Variants in HDAC4 observed in about 807,000 individuals in gnomAD.
The protein encoded by HDAC4 is histone deacetylase A.
In HDAC4, 16 loss-of-function variants were observed where a neutral mutation model predicts 135.1. That is an observed-to-expected ratio of 0.12 (90% confidence interval 0.08 to 0.18). HDAC4 has a LOEUF of 0.18. Among genes scored for constraint, HDAC4 ranks in the 10% least tolerant of loss-of-function variants. The pLI is 1.00. For missense variants in HDAC4, 1,143 were observed against 1,511.8 expected, an observed-to-expected ratio of 0.76 and a Z score of 4.05; for synonymous variants, 685 against 653.4, an observed-to-expected ratio of 1.05 and a Z score of -0.74.
chr2:239,323,652 AAGTGCTT>A (rs2053383607), intron 2 of HDAC4, among the ~76,000 whole-genome samples: 1 of 152,052 alleles, frequency 6.6e-6, no homozygotes, highest in Non-Finnish European at 1.5e-5. Flanking sequence ...TGCGCCTGGA[AAGTGCTT>A]CTTCACGTGT....
At chr2:239,131,084 G>A (rs998233898) in intron 11 of HDAC4, among the ~76,000 whole-genome samples, 45 of 152,248 alleles carry the variant, frequency 3.0e-4, no homozygotes, top group African/African-American at 8.2e-4. Flanking sequence ...GACCACGTGC[G>A]GAGTGCCGCA....
At chr2:239,057,134 C>T (rs775193806) in intron 24 of HDAC4, among the ~76,000 whole-genome samples, 16 of 152,086 alleles carry the variant, frequency 1.1e-4, no homozygotes, top group Non-Finnish European at 1.6e-4. Context: ...CGACTCATAT[C>T]GAAGTAAGAT....
At chr2:239,102,106 G>C (rs1371827304) in intron 16 of HDAC4, among the ~76,000 whole-genome samples, 1 of 150,148 alleles carries the variant, frequency 6.7e-6, no homozygotes, top group African/African-American at 2.5e-5. Flanking sequence ...CGGGGTCCAC[G>C]TTCTGTGCCC....
At position 239,331,726 on chromosome 2, in the gene HDAC4, C is replaced by G. The variant is rs1056342513; in HGVS notation, c.22+20952G>C. On this transcript the variant is annotated intron_variant, in intron 2 of 26. Coordinates refer to ENST00000543185, the MANE Select transcript of HDAC4 (RefSeq NM_001378414.1). This position sits in a 1 kb window ranked among gnomAD's most constrained non-coding sequence, Gnocchi z 4.5. The stretch of plus-strand genomic sequence containing the variant: ...CATACTAACCCTCCAGCCAGGAACA[C>G]AGAGGACAGGATGCAATCTAAAACA... Among the ~76,000 whole-genome samples, 4 of 152,148 alleles carry G rather than the reference C, an allele frequency of 2.6e-5. No individual in the cohort carries two copies. Among genetic ancestry groups the G allele is most frequent in the African/African-American group, 9.7e-5 (4 of 41,434 alleles).
At chr2:239,286,963 C>A (rs751830197) in intron 2 of HDAC4, among the ~76,000 whole-genome samples, 1 of 152,082 alleles carries the variant, frequency 6.6e-6, no homozygotes, top group Non-Finnish European at 1.5e-5. Flanking sequence ...GGTATGTGTT[C>A]ATAAAGAAAA....
chr2:239,331,557 T>C lies in HDAC4; in HGVS notation c.22+21121A>G, dbSNP rs1003007124. The stretch of plus-strand genomic sequence containing the variant: ...GGACTCGTGAACTAAGCCGCCCAGA[T>C]AGTGAGTTCTACGGGGGAAGCCTTC... On this transcript the variant is annotated intron_variant, in intron 2 of 26. Coordinates refer to ENST00000543185, the MANE Select transcript of HDAC4 (RefSeq NM_001378414.1). The surrounding 1 kb of genome is among the most constrained non-coding windows in gnomAD (Gnocchi z 4.5). Among the ~76,000 whole-genome samples, 6 of 152,202 alleles carry C rather than the reference T, an allele frequency of 3.9e-5. No homozygotes were observed. Among genetic ancestry groups the C allele is most frequent in the Admixed American group, 2.0e-4 (3 of 15,292 alleles).
intron 1 of HDAC4, among the ~76,000 whole-genome samples, chr2:239,389,949 C>T (rs1296301803): frequency 1.3e-5 from 2 of 152,190 alleles, no homozygotes; most frequent in Non-Finnish European, 2.9e-5. Context: ...GAATCCAAGA[C>T]TTGCTAAGAC....
intron 11 of HDAC4, among the ~76,000 whole-genome samples, chr2:239,133,590 C>T (rs1284237888): frequency 2.0e-5 from 3 of 152,186 alleles, no homozygotes; most frequent in Admixed American, 2.0e-4. Context: ...CCTCAGCCTC[C>T]CAAGTAGCTG....
At chr2:239,122,583 C>T (rs1450633642) in intron 12 of HDAC4, among the ~76,000 whole-genome samples, 1 of 152,194 alleles carries the variant, frequency 6.6e-6, no homozygotes, top group African/African-American at 2.4e-5. Flanking sequence ...CATCTGCCAC[C>T]ATCCCGACCA....
chr2:239,102,700 A>G, intron 16 of HDAC4, 76 bp downstream of exon 16: 2 of 1,557,526 alleles, frequency 1.3e-6, no homozygotes, highest in Admixed American at 1.7e-5. Context: ...CCCCAGACAC[A>G]AGGGGTTGAG....
Position 239,374,323 on chromosome 2 carries a change from C to T in HDAC4, c.-219-21405G>A, listed in dbSNP as rs968722370. Among the ~76,000 whole-genome samples the T allele has an allele frequency of 1.8e-4, 26 of 148,236 alleles. No individual in the cohort carries two copies. The South Asian group carries it at 1.9e-3, about 11-fold the overall frequency. On this transcript the variant is annotated intron_variant, in intron 1 of 26. Transcript: ENST00000543185. Reference sequence around the variant, plus strand: ...TGCTGCAGGGAAATGACAATGATGCCGACAATGATGACGAGGGTGACCAGG... The same window carrying T: ...TGCTGCAGGGAAATGACAATGATGCTGACAATGATGACGAGGGTGACCAGG...
chr2:239,192,953 C>T (rs2045100071), intron 3 of HDAC4, among the ~76,000 whole-genome samples: 1 of 152,252 alleles, frequency 6.6e-6, no homozygotes, highest in African/African-American at 2.4e-5. Context: ...ATTTAGAATG[C>T]TGGTGTCTAT....
chr2:239,251,561 C>G (rs2048786158), intron 2 of HDAC4, among the ~76,000 whole-genome samples: 1 of 152,082 alleles, frequency 6.6e-6, no homozygotes, highest in Non-Finnish European at 1.5e-5. Context: ...AGAGCAAGAC[C>G]TGCCTCCAAA....
chr2:239,391,732 C>T (rs559381348), intron 1 of HDAC4, among the ~76,000 whole-genome samples: 4 of 152,154 alleles, frequency 2.6e-5, no homozygotes, highest in East Asian at 1.9e-4. Flanking sequence ...GGCAGTGTGA[C>T]GAGCAGGAGA....
At chr2:239,206,737 G>A (rs1274425308) in intron 3 of HDAC4, among the ~76,000 whole-genome samples, 1 of 151,524 alleles carries the variant, frequency 6.6e-6, no homozygotes, top group East Asian at 1.9e-4. Context: ...CAATCACAGT[G>A]TATGAACACT....
chr2:239,168,194 G>C (rs2043228328), intron 5 of HDAC4, among the ~76,000 whole-genome samples: 1 of 152,224 alleles, frequency 6.6e-6, no homozygotes, highest in Non-Finnish European at 1.5e-5. Context: ...TTTTTACACA[G>C]AGCAAAGGAC....
At chr2:239,093,099 G>A (rs1476636310) in intron 17 of HDAC4, among the ~76,000 whole-genome samples, 1 of 152,228 alleles carries the variant, frequency 6.6e-6, no homozygotes, top group Non-Finnish European at 1.5e-5. Flanking sequence ...GGGCGAGGCC[G>A]AGCAGGGACA....
At chr2:239,314,774 GAGGA>G (rs2053044778) in intron 2 of HDAC4, among the ~76,000 whole-genome samples, 1 of 152,228 alleles carries the variant, frequency 6.6e-6, no homozygotes, top group Non-Finnish European at 1.5e-5. Context: ...TGGAAGGACA[GAGGA>G]AGATATGCTA....
intron 2 of HDAC4, among the ~76,000 whole-genome samples, chr2:239,346,495 C>G (rs542790087): frequency 5.3e-5 from 8 of 150,274 alleles, no homozygotes; most frequent in Non-Finnish European, 1.0e-4. Flanking sequence ...TACTTTAACA[C>G]ACAGTCTAAG....
Sources: gnomAD v4.1 joint callset for allele counts (sites outside exome capture counted in the v4.1 genomes callset) on GRCh38, gnomAD v4.1.1 for gene constraint, Gnocchi (gnomAD v3.1) non-coding constraint, MANE v1.5 for transcripts, NCBI Gene and HGNC (gene_info 2026-07-23, HGNC 2026-07-21) for gene names.